The following PHEX variants were observed in gnomAD, a reference collection of about 807,000 sequenced individuals.
PHEX encodes the protein phosphate-regulating neutral endopeptidase PHEX.
A neutral mutation model predicts 68.0 loss-of-function variants in PHEX; 16 were observed. The observed-to-expected ratio is 0.24, with a 90% CI of 0.16 to 0.36. PHEX has a LOEUF of 0.36. PHEX is among the 10% of genes least tolerant of loss of function. The pLI, the probability that PHEX is intolerant of heterozygous loss-of-function variation, is 1.00. For synonymous variants in PHEX, 208 were observed against 205.1 expected (o/e 1.01, Z -0.12); for missense variants, 480 against 575.5 (o/e 0.83, Z 1.70).
intron 15 of PHEX, among the ~76,000 whole-genome samples, chrX:22,203,826 G>T (rs568615417): frequency 1.8e-5 from 2 of 111,940 alleles, no homozygotes; most frequent in African/African-American, 6.5e-5. Context: ...GTAATCATAC[G>T]TTACATTGTT....
At chrX:22,090,315 T>C in intron 5 of PHEX, 114 bp from the exon 6 acceptor site, 1 of 586,087 alleles carries the variant, frequency 1.7e-6, no homozygotes, top group South Asian at 2.3e-5. Flanking sequence ...GTTTTTGTAA[T>C]GGTGACATGA....
At chrX:22,244,568 C>T (rs748187232) in intron 20 of PHEX, among the ~76,000 whole-genome samples, 1 of 111,427 alleles carries the variant, frequency 9.0e-6, no homozygotes, top group South Asian at 3.8e-4. Flanking sequence ...CGCCATTGCA[C>T]TCCAGCCTGG....
At chrX:22,073,365 G>A (rs1928990986) in intron 3 of PHEX, among the ~76,000 whole-genome samples, 1 of 112,261 alleles carries the variant, frequency 8.9e-6, no homozygotes, top group South Asian at 3.6e-4. Flanking sequence ...ATTATTATTT[G>A]ACTTTACAGA....
rs1474113205 is a variant in PHEX at position 22,033,018 on chromosome X, A to C, written c.13A>C (p.Thr5Pro). Residue 5 changes from threonine to proline, a missense_variant, in exon 1 of 22, where the codon ACA becomes CCA. Transcript: ENST00000379374. Reference sequence around the variant, plus strand: ...TACGGCCCTTCTGATGGAAGCAGAAACAGGGAGCAGCGTGGAGACTGGAAA... The same window carrying C: ...TACGGCCCTTCTGATGGAAGCAGAACCAGGGAGCAGCGTGGAGACTGGAAA... MEAE[T>P]GSSVETGKKA... 8.3e-7 allele frequency: 1 copy of C among 1,204,591 alleles called. No individual in the cohort carries two copies. Among genetic ancestry groups the C allele is most frequent in the Non-Finnish European group, 1.1e-6 (1 of 891,177 alleles).
At chrX:22,126,864 G>GTTTTTTT (rs35691469) in intron 11 of PHEX, among the ~76,000 whole-genome samples, 15 of 54,598 alleles carry the variant, frequency 2.7e-4, no homozygotes, top group African/African-American at 3.8e-4. Flanking sequence ...TGAAATAGTT[G>GTTTTTTT]TTTTTTTTTT....
intron 3 of PHEX, among the ~76,000 whole-genome samples, 190 bp from the exon 4 acceptor site, chrX:22,076,198 G>A (rs878874623): frequency 8.9e-6 from 1 of 112,270 alleles, no homozygotes; most frequent in South Asian, 3.7e-4. Flanking sequence ...ATGTAAAACT[G>A]TTTTTATTTG....
In PHEX at chrX:22,110,474, T is replaced by C. The variant is rs528357733; in HGVS notation, c.1080-993T>C. Among the ~76,000 whole-genome samples the C allele has an allele frequency of 3.2e-4, 36 of 112,078 alleles. No individual in the cohort carries two copies. In the South Asian group the frequency reaches 0.013, roughly 41 times the overall value. On this transcript the variant is annotated intron_variant, in intron 9 of 21. Transcript: ENST00000379374. ...TGTTTTCATTTTTTAAATTATACTT[T>C]AAGTTCTAGGGTACATGTGTACAAC...
chrX:22,055,639 G>A (rs779352082), intron 3 of PHEX, among the ~76,000 whole-genome samples: 5 of 110,876 alleles, frequency 4.5e-5, no homozygotes, highest in South Asian at 3.8e-4. Context: ...TCGGCTCACC[G>A]CAACCTCTGC....
chrX:22,110,047 G>T (rs1569395898), intron 9 of PHEX, among the ~76,000 whole-genome samples: 1 of 111,919 alleles, frequency 8.9e-6, no homozygotes, highest in Non-Finnish European at 1.9e-5. Context: ...TAGAATGAGG[G>T]TGCAAAATTA....
chrX:22,036,350 G>A (rs892595869), intron 1 of PHEX, among the ~76,000 whole-genome samples: 14 of 110,022 alleles, frequency 1.3e-4, no homozygotes, highest in Non-Finnish European at 2.1e-4. Context: ...CTGAGCCACC[G>A]TGCCTGGCCT....
rs147768563 is a variant in PHEX, at chrX:22,222,583, C to G, written c.1899+840C>G. ...CAATAAAAGATCGTTAGTTAATATT[C>G]CTGATCCTTCGTGACATACTCATTA... On this transcript the variant is annotated intron_variant, in intron 18 of 21. Coordinates refer to ENST00000379374, the MANE Select transcript of PHEX (RefSeq NM_000444.6). 4.0e-3 allele frequency among the ~76,000 whole-genome samples: 452 copies of G among 111,654 alleles called. 3 individuals are homozygous for G. Among genetic ancestry groups the G allele is most frequent in the African/African-American group, 0.013 (406 of 30,764 alleles).
At chrX:22,105,488 G>C (rs1930643122) in intron 9 of PHEX, among the ~76,000 whole-genome samples, 1 of 111,957 alleles carries the variant, frequency 8.9e-6, no homozygotes, top group African/African-American at 3.2e-5. Context: ...TGAAGCTGCT[G>C]GCTCAGGGAC....
At chrX:22,152,707 T>A (rs757830021) in intron 12 of PHEX, among the ~76,000 whole-genome samples, 1 of 112,046 alleles carries the variant, frequency 8.9e-6, no homozygotes, top group African/African-American at 3.2e-5. Flanking sequence ...GAGATCAGGA[T>A]AGCGGTTCTT....
At chrX:22,227,759 C>T (rs1935560134) in intron 20 of PHEX, 148 bp downstream of exon 20, 2 of 489,845 alleles carry the variant, frequency 4.1e-6, no homozygotes, top group African/African-American at 2.4e-5. Flanking sequence ...GGGTAAATCT[C>T]ATCTTCTTAA....
chrX:22,160,903 G>A (rs375216113), intron 12 of PHEX, among the ~76,000 whole-genome samples: 2 of 111,255 alleles, frequency 1.8e-5, no homozygotes, highest in East Asian at 2.8e-4. Flanking sequence ...GGAGGCTGAG[G>A]TGGACATATC....
At chrX:22,157,566 A>G (rs746265529) in intron 12 of PHEX, among the ~76,000 whole-genome samples, 1 of 112,700 alleles carries the variant, frequency 8.9e-6, no homozygotes, top group African/African-American at 3.2e-5. Flanking sequence ...AGCATCACAA[A>G]GACACCAGGG....
At position 22,226,487 on chromosome X, in the gene PHEX, A is replaced by G. The variant is rs1453877712; in HGVS notation, c.1944A>G (p.Gly648=). 4.3e-5 allele frequency: 52 copies of G among 1,201,960 alleles called. No homozygotes were observed. Among genetic ancestry groups the G allele is most frequent in the Non-Finnish European group, 5.4e-5 (48 of 890,547 alleles). The change falls in exon 19 of 22, where the codon GGA becomes GGG. Residue 648 remains glycine, a synonymous_variant. Transcript: ENST00000379374. ...TGGGAGAAAATATTGCTGATAATGG[A>G]GGCCTGCGGGAAGCTTTTAGGGTAT... ...RTLGENIADN[G]GLREAFRAYR...
intron 3 of PHEX, among the ~76,000 whole-genome samples, chrX:22,054,242 C>G (rs1029520908): frequency 9.0e-6 from 1 of 111,690 alleles, no homozygotes; most frequent in South Asian, 3.8e-4. Context: ...TCAGGTGATT[C>G]TCCTGCCTTG....
At chrX:22,103,827 G>A (rs1323390616) in intron 9 of PHEX, among the ~76,000 whole-genome samples, 2 of 112,406 alleles carry the variant, frequency 1.8e-5, no homozygotes, top group Middle Eastern at 9.3e-3. Context: ...ATACCCAGTA[G>A]TGGTATTGCT....
Sources: gnomAD v4.1 joint callset for allele counts (sites outside exome capture counted in the v4.1 genomes callset) on GRCh38, gnomAD v4.1.1 for gene constraint, MANE v1.5 for transcripts, NCBI Gene and HGNC (gene_info 2026-07-23, HGNC 2026-07-21) for gene names.